Variants in PCDH15 observed in about 807,000 individuals in gnomAD.
PCDH15 encodes the protein protocadherin-15.
A neutral mutation model predicts 178.5 loss-of-function variants in PCDH15; 129 were observed. The ratio of observed to expected loss-of-function variants is 0.72; its 90% CI spans 0.63 to 0.84. The LOEUF (loss-of-function observed/expected upper bound fraction) is 0.84. Ranked by LOEUF, PCDH15 falls within the 40% of genes least tolerant of loss-of-function variation. The pLI, the probability that PCDH15 is intolerant of heterozygous loss-of-function variation, is 0.00. For missense variants in PCDH15, 2,230 were observed against 2,099.9 expected (o/e 1.06, Z -1.21); for synonymous variants, 800 against 732.0 (o/e 1.09, Z -1.50).
intron 2 of PCDH15, among the ~76,000 whole-genome samples, chr10:54,964,827 G>A (rs1174684926): frequency 2.6e-5 from 4 of 152,078 alleles, no homozygotes; most frequent in Non-Finnish European, 5.9e-5. Context: ...CCACAAGGTG[G>A]AAAAAGGTAT....
intron 2 of PCDH15, among the ~76,000 whole-genome samples, chr10:55,530,574 A>T (rs1435767469): frequency 2.6e-5 from 4 of 151,980 alleles, no homozygotes; most frequent in African/African-American, 7.2e-5. Context: ...TTACATTGTT[A>T]TAATGTTTAA....
chr10:55,150,323 A>G (rs1564840411), intron 2 of PCDH15, among the ~76,000 whole-genome samples: 1 of 152,108 alleles, frequency 6.6e-6, no homozygotes, highest in African/African-American at 2.4e-5. Context: ...TGGCCTGCAA[A>G]AACAGAATTT....
rs1312179549 is a variant in PCDH15, at chr10:53,817,085, A to G, written c.4453-808T>C. On this transcript the variant is annotated intron_variant, in intron 34 of 37. Coordinates refer to ENST00000644397, the MANE Select transcript of PCDH15 (RefSeq NM_001384140.1). ...TGAGGTTCTGGGAGGTAATTCCATCATTGAACCCACTGTTTAAACTGGCTA... is the reference window on the plus strand; with the variant it reads ...TGAGGTTCTGGGAGGTAATTCCATCGTTGAACCCACTGTTTAAACTGGCTA... Among the ~76,000 whole-genome samples the G allele has an allele frequency of 2.2e-4, 33 of 152,222 alleles. 1 individual carries two copies. Among genetic ancestry groups the G allele is most frequent in the Admixed American group, 2.0e-3 (30 of 15,278 alleles).
intron 5 of PCDH15, among the ~76,000 whole-genome samples, chr10:54,352,696 T>C (rs1944364105): frequency 6.6e-6 from 1 of 152,174 alleles, no homozygotes. Context: ...GTTAAAACAC[T>C]ACACATTTAT....
intron 14 of PCDH15, among the ~76,000 whole-genome samples, chr10:54,146,954 A>ATATATATAATGTATATATATAGTG (rs2044017156): frequency 2.1e-5 from 3 of 140,116 alleles, no homozygotes; most frequent in East Asian, 3.9e-4. Context: ...TATAGTGTAT[A>ATATATATAATGTATATATATAGTG]TATATATAAT....
In PCDH15 at chr10:55,580,153, G is replaced by A. The variant is rs556520704; in HGVS notation, c.-156+47472C>T. On this transcript the variant is annotated intron_variant, in intron 2 of 5. Transcript: ENST00000613346. ...ATTACAGGCGTGAGCCACTGTGCCC[G>A]GCCACATATTGTTGTTTTATATGCA... is the stretch of plus-strand genomic sequence containing the variant. Among the ~76,000 whole-genome samples, 498 of 151,980 alleles carry A rather than the reference G, an allele frequency of 3.3e-3. 5 individuals carry two copies. The highest frequency in any genetic ancestry group is 3.5e-3 in the Middle Eastern group (1 of 288).
intron 2 of PCDH15, among the ~76,000 whole-genome samples, chr10:55,152,525 T>C (rs563264220): frequency 6.6e-6 from 1 of 152,262 alleles, no homozygotes; most frequent in Non-Finnish European, 1.5e-5. Context: ...AGCAGATAAA[T>C]GTTAGAGCCA....
At chr10:55,284,382 G>A (rs1269569645) in intron 1 of PCDH15, among the ~76,000 whole-genome samples, 1 of 151,980 alleles carries the variant, frequency 6.6e-6, no homozygotes, top group Non-Finnish European at 1.5e-5. Flanking sequence ...AATGGGTACA[G>A]GCCATTCCCC....
At chr10:54,884,580 C>G (rs1954320680) in intron 3 of PCDH15, among the ~76,000 whole-genome samples, 1 of 151,764 alleles carries the variant, frequency 6.6e-6, no homozygotes, top group Non-Finnish European at 1.5e-5. Context: ...GGACCAGATT[C>G]TCAAGAGTAT....
chr10:55,139,406 A>G (rs1478021435), intron 2 of PCDH15, among the ~76,000 whole-genome samples: 1 of 151,904 alleles, frequency 6.6e-6, no homozygotes, highest in Non-Finnish European at 1.5e-5. Context: ...TTAAAGTCTT[A>G]TAGTTTTGTA....
chr10:55,454,922 TATAA>T (rs936258971), intron 2 of PCDH15, among the ~76,000 whole-genome samples: 155 of 152,086 alleles, frequency 1.0e-3, no homozygotes, highest in African/African-American at 3.7e-3. Flanking sequence ...ATAGAGTATA[TATAA>T]ATAAATATAC....
chr10:54,347,015 G>C (rs965391433), intron 5 of PCDH15, among the ~76,000 whole-genome samples: 3 of 152,200 alleles, frequency 2.0e-5, no homozygotes, highest in African/African-American at 7.2e-5. Context: ...TATTGGTTGA[G>C]TAGAACATGA....
intron 3 of PCDH15, among the ~76,000 whole-genome samples, chr10:54,389,342 A>T (rs925844254): frequency 3.3e-5 from 5 of 152,146 alleles, no homozygotes; most frequent in Admixed American, 2.0e-4. Context: ...TGAACTTTTA[A>T]ACTCCTCTAA....
At chr10:55,056,758 G>T (rs1313345157) in intron 2 of PCDH15, among the ~76,000 whole-genome samples, 1 of 151,392 alleles carries the variant, frequency 6.6e-6, no homozygotes, top group Middle Eastern at 3.2e-3. Flanking sequence ...TCAGCCTCCC[G>T]AGTAGCTGGG....
intron 7 of PCDH15, among the ~76,000 whole-genome samples, chr10:54,321,078 A>C (rs2384446): frequency 5.4e-5 from 8 of 149,108 alleles, no homozygotes; most frequent in Non-Finnish European, 1.0e-4. Flanking sequence ...TACATTTGAC[A>C]TTTTTCTCAA....
chr10:54,873,307 C>G (rs979629466), intron 3 of PCDH15, among the ~76,000 whole-genome samples: 1 of 151,750 alleles, frequency 6.6e-6, no homozygotes, highest in Non-Finnish European at 1.5e-5. Flanking sequence ...ATGAAGTCTA[C>G]CTAAATAAGG....
intron 2 of PCDH15, among the ~76,000 whole-genome samples, chr10:54,983,394 A>C (rs1009808443): frequency 6.6e-6 from 1 of 152,124 alleles, no homozygotes; most frequent in South Asian, 2.1e-4. Context: ...CATGAAAAAA[A>C]ATTTTAAATG....
intron 2 of PCDH15, among the ~76,000 whole-genome samples, chr10:55,434,990 T>A (rs187189479): frequency 5.6e-4 from 85 of 152,320 alleles, no homozygotes; most frequent in African/African-American, 1.8e-3. Flanking sequence ...TGAATAGTCA[T>A]GTACTTGAAG....
intron 3 of PCDH15, among the ~76,000 whole-genome samples, chr10:54,885,824 A>C (rs1954349295): frequency 1.3e-5 from 2 of 152,150 alleles, no homozygotes; most frequent in Non-Finnish European, 2.9e-5. Flanking sequence ...AGGAAGAAAG[A>C]GATCTTAAGG....
Sources: allele counts gnomAD v4.1 joint callset (sites outside exome capture counted in the v4.1 genomes callset), GRCh38; gene constraint gnomAD v4.1.1; transcripts MANE v1.5; gene names NCBI Gene and HGNC (gene_info 2026-07-23, HGNC 2026-07-21).